Variants in MRAP observed in about 807,000 individuals in gnomAD.
The protein encoded by MRAP is melanocortin 2 receptor accessory protein.
Under a neutral mutation model 8.7 loss-of-function variants are expected in MRAP, and 8 were observed. The ratio of observed to expected loss-of-function variants is 0.92; its 90% CI spans 0.54 to 1.66. The LOEUF (loss-of-function observed/expected upper bound fraction) is 1.66, where lower values mean the gene tolerates loss of function less well. Among genes scored for constraint, MRAP ranks in the 40% most tolerant of loss-of-function variants. The pLI is 0.00. For synonymous variants in MRAP, 95 were observed against 95.5 expected (o/e 1.00, Z 0.03); for missense variants, 237 against 217.1 (o/e 1.09, Z -0.58).
upstream of MRAP, chr21:32,298,828 G>T: frequency 1.5e-6 from 1 of 682,944 alleles, no homozygotes; most frequent in Admixed American, 2.1e-5. Context: ...GCTCTGATAA[G>T]TGGGCAGACC....
chr21:32,304,956 T>C (rs1280889452), intron 1 of MRAP, among the ~76,000 whole-genome samples: 1 of 131,738 alleles, frequency 7.6e-6, no homozygotes, highest in African/African-American at 2.8e-5. Flanking sequence ...GGGATTTGTT[T>C]TTTTTGTTGT....
upstream of MRAP, among the ~76,000 whole-genome samples, chr21:32,295,320 G>A (rs893400663): frequency 6.6e-6 from 1 of 152,118 alleles, no homozygotes; most frequent in African/African-American, 2.4e-5. Flanking sequence ...TTTATATGTG[G>A]GCATACTTCT....
chr21:32,313,641 G>A (rs1458399630), downstream of MRAP: 1 of 152,212 alleles, frequency 6.6e-6, no homozygotes, highest in African/African-American at 2.4e-5. Flanking sequence ...AAAGAACACT[G>A]GTGGAAAATA....
At chr21:32,314,727 C>G (rs1452516373), downstream of MRAP, 2 of 1,515,878 alleles carry the variant, frequency 1.3e-6, no homozygotes, top group Non-Finnish European at 9.1e-7. Context: ...CACCTACAGG[C>G]CCGAGTTTAT....
At chr21:32,302,468 C>A (rs542635369) in intron 1 of MRAP, among the ~76,000 whole-genome samples, 4 of 152,288 alleles carry the variant, frequency 2.6e-5, no homozygotes, top group African/African-American at 7.2e-5. Context: ...AGTTCTGGTA[C>A]ATTCATTGAG....
intron 1 of MRAP, among the ~76,000 whole-genome samples, chr21:32,292,614 G>A (rs1006783856): frequency 4.0e-5 from 6 of 151,888 alleles, no homozygotes; most frequent in African/African-American, 7.3e-5. Flanking sequence ...GCACCACCAC[G>A]CCTGACTGAT....
At chr21:32,309,449 AT>A (rs375525509) in intron 2 of MRAP, among the ~76,000 whole-genome samples, 21,214 of 143,586 alleles carry the variant, frequency 0.15, 1,822 homozygotes, top group Middle Eastern at 0.25. Context: ...GAAGAAATTC[AT>A]TTTTTTTTTT....
chr21:32,292,496 G>A (rs1003763513), intron 1 of MRAP, among the ~76,000 whole-genome samples: 8 of 151,998 alleles, frequency 5.3e-5, no homozygotes, highest in South Asian at 2.1e-4. Flanking sequence ...TTGCTCTGTC[G>A]TCCAGGTTGG....
chr21:32,306,491 A>G, intron 1 of MRAP, 149 bp from the exon 2 acceptor site: 1 of 707,580 alleles, frequency 1.4e-6, no homozygotes, highest in Non-Finnish European at 2.6e-6. Context: ...TGTTAATGGG[A>G]GATCTTCCCC....
chr21:32,294,296 T>C (rs1482534232), upstream of MRAP, among the ~76,000 whole-genome samples: 1 of 152,150 alleles, frequency 6.6e-6, no homozygotes, highest in Non-Finnish European at 1.5e-5. Context: ...TTTGTATTTT[T>C]AGTAGAGAAG....
chr21:32,293,241 C>A (rs1054829552), intron 2 of MRAP: 1 of 152,190 alleles, frequency 6.6e-6, no homozygotes, highest in Non-Finnish European at 1.5e-5. Flanking sequence ...AGATTCTCTC[C>A]TGGGGCCTCC....
At chr21:32,294,064 G>T (rs1003166117), upstream of MRAP, among the ~76,000 whole-genome samples, 8 of 152,038 alleles carry the variant, frequency 5.3e-5, no homozygotes, top group Non-Finnish European at 1.2e-4. Context: ...ATGTAGGAAG[G>T]TCTTTTTAAT....
At chr21:32,299,124 G>C (rs2123496621) in intron 1 of MRAP, 47 bp downstream of exon 1, 1 of 1,492,302 alleles carries the variant, frequency 6.7e-7, no homozygotes, top group East Asian at 2.3e-5. Flanking sequence ...TGGGGGCCGG[G>C]GCCCAAATGA....
At chr21:32,304,738 G>T (rs908271744) in intron 1 of MRAP, among the ~76,000 whole-genome samples, 2 of 152,042 alleles carry the variant, frequency 1.3e-5, no homozygotes, top group Non-Finnish European at 2.9e-5. Flanking sequence ...GAATCCAGAG[G>T]TGCTCTTAAA....
At chr21:32,304,957 TTTTTGTTG>T (rs1387002739) in intron 1 of MRAP, among the ~76,000 whole-genome samples, 18 of 131,534 alleles carry the variant, frequency 1.4e-4, no homozygotes, top group African/African-American at 4.8e-4. Context: ...GGATTTGTTT[TTTTTGTTG>T]TTTTTTTTTT....
At chr21:32,295,205 A>C (rs1298934262), upstream of MRAP, among the ~76,000 whole-genome samples, 1 of 152,194 alleles carries the variant, frequency 6.6e-6, no homozygotes, top group African/African-American at 2.4e-5. Flanking sequence ...AACGCTTATT[A>C]GAAAGCTTTA....
At chr21:32,300,980 T>A (rs1282822103) in intron 1 of MRAP, among the ~76,000 whole-genome samples, 2 of 146,906 alleles carry the variant, frequency 1.4e-5, no homozygotes, top group Admixed American at 1.3e-4. Flanking sequence ...TGTATCATAT[T>A]TCATATATCA....
intron 1 of MRAP, among the ~76,000 whole-genome samples, chr21:32,300,419 C>T (rs1601097425): frequency 6.7e-6 from 1 of 148,596 alleles, no homozygotes; most frequent in Non-Finnish European, 1.5e-5. Flanking sequence ...ATCACGCGTC[C>T]TGCGTCGGAT....
intron 1 of MRAP, among the ~76,000 whole-genome samples, chr21:32,304,631 C>T (rs956537573): frequency 7.9e-6 from 1 of 125,868 alleles, no homozygotes; most frequent in African/African-American, 3.0e-5. Context: ...AAAAAACAAA[C>T]AAAAAACAAA....
Sources: gnomAD v4.1 joint callset for allele counts (sites outside exome capture counted in the v4.1 genomes callset) on GRCh38, gnomAD v4.1.1 for gene constraint, MANE v1.5 for transcripts, NCBI Gene and HGNC (gene_info 2026-07-23, HGNC 2026-07-21) for gene names.